The following RELN variants were observed in gnomAD, a reference collection of about 807,000 sequenced individuals.
RELN encodes the protein reelin.
A neutral mutation model predicts 427.6 loss-of-function variants in RELN; 108 were observed. The observed-to-expected ratio is 0.25, with a 90% CI of 0.22 to 0.30. The LOEUF (loss-of-function observed/expected upper bound fraction) is 0.30, where lower values mean the gene tolerates loss of function less well. Among genes scored for constraint, RELN ranks in the 10% least tolerant of loss-of-function variants. The probability of loss-of-function intolerance (pLI) is 1.00; values close to 1 mark genes in which losing one functional copy is unlikely to be tolerated. For synonymous variants in RELN, 1,524 were observed against 1,513.4 expected (o/e 1.01, Z -0.16); for missense variants, 3,715 against 4,302.8 (o/e 0.86, Z 3.82).
chr7:103,502,417 T>TTAAAG (rs1277814243), intron 52 of RELN, among the ~76,000 whole-genome samples: 1 of 152,248 alleles, frequency 6.6e-6, no homozygotes, highest in Non-Finnish European at 1.5e-5. Flanking sequence ...ATCTTTACTT[T>TTAAAG]TAAAGTAGAA....
chr7:103,924,755 A>T (rs914305235), intron 1 of RELN, among the ~76,000 whole-genome samples: 8 of 151,874 alleles, frequency 5.3e-5, no homozygotes, highest in African/African-American at 4.8e-5. Context: ...ATCCACTGAA[A>T]TTTTTTTTGC....
chr7:103,917,956 T>C (rs1795524168), intron 1 of RELN, among the ~76,000 whole-genome samples: 1 of 152,100 alleles, frequency 6.6e-6, no homozygotes, highest in Non-Finnish European at 1.5e-5. Flanking sequence ...ATAGGTTTTA[T>C]AAGATTGAGA....
rs557509893 is a variant in RELN at position 103,496,922 on chromosome 7, T to C, written c.8951-154A>G. The stretch of plus-strand genomic sequence containing the variant: ...CCTGACTTTGATATTAGGTATTCAC[T>C]ACTTATACTGTTTCTGTATGAGGCT... On this transcript the variant is annotated intron_variant, in intron 55 of 64. Coordinates refer to ENST00000428762, the MANE Select transcript of RELN (RefSeq NM_005045.4). Among the ~76,000 whole-genome samples the C allele has an allele frequency of 3.5e-4, 54 of 152,368 alleles. 2 individuals carry two copies. Among genetic ancestry groups the C allele is most frequent in the Admixed American group, 2.8e-3 (43 of 15,302 alleles).
At chr7:103,741,539 CA>C (rs1162105940) in intron 6 of RELN, among the ~76,000 whole-genome samples, 2 of 149,008 alleles carry the variant, frequency 1.3e-5, no homozygotes, top group East Asian at 3.9e-4. Flanking sequence ...AAATATATCA[CA>C]AGAGAAAAAA....
chr7:103,645,790 G>A (rs1283618714), intron 16 of RELN, among the ~76,000 whole-genome samples: 1 of 151,714 alleles, frequency 6.6e-6, no homozygotes, highest in African/African-American at 2.4e-5. Context: ...GAACCTAACA[G>A]ACATTTACAG....
chr7:103,636,581 G>T, intron 17 of RELN, 113 bp from the exon 18 acceptor site: 2 of 746,678 alleles, frequency 2.7e-6, no homozygotes, highest in South Asian at 3.0e-5. Flanking sequence ...AATGGTAAAT[G>T]AGGCTCATTA....
intron 22 of RELN, among the ~76,000 whole-genome samples, chr7:103,607,788 C>G (rs927394532): frequency 2.0e-5 from 3 of 152,128 alleles, no homozygotes; most frequent in Admixed American, 1.3e-4. Flanking sequence ...ATTACATTTA[C>G]CCAATTATTC....
intron 6 of RELN, among the ~76,000 whole-genome samples, chr7:103,738,475 C>T (rs1198426465): frequency 6.6e-6 from 1 of 151,770 alleles, no homozygotes; most frequent in African/African-American, 2.4e-5. Context: ...GAAAATGCAT[C>T]CATCTATGTA....
rs1830935605 is a variant in RELN at position 103,573,811 on chromosome 7, T to G, written c.4511+281A>C. On this transcript the variant is annotated intron_variant, in intron 30 of 64. Coordinates refer to ENST00000428762, the MANE Select transcript of RELN (RefSeq NM_005045.4). This position sits in a 1 kb window ranked among gnomAD's most constrained non-coding sequence, Gnocchi z 4.4. ...CATGCTAAGAATAATACCAAATGGT[T>G]TTCATAATAATATCAAACTTCAGAA... 1.3e-5 allele frequency among the ~76,000 whole-genome samples: 2 copies of G among 152,192 alleles called. No individual in the cohort carries two copies. Among genetic ancestry groups the G allele is most frequent in the Non-Finnish European group, 2.9e-5 (2 of 68,026 alleles).
intron 6 of RELN, among the ~76,000 whole-genome samples, chr7:103,737,439 T>C (rs1049288493): frequency 6.6e-6 from 1 of 152,226 alleles, no homozygotes; most frequent in Non-Finnish European, 1.5e-5. Context: ...GGCTACTAAA[T>C]GGAGGAGTCT....
chr7:103,601,194 T>C (rs2117264677), intron 24 of RELN, among the ~76,000 whole-genome samples: 1 of 151,708 alleles, frequency 6.6e-6, no homozygotes, highest in African/African-American at 2.4e-5. Context: ...CAATCTTACT[T>C]TAAAATTGAT....
intron 3 of RELN, among the ~76,000 whole-genome samples, chr7:103,784,537 A>G (rs1199496808): frequency 1.3e-5 from 2 of 152,164 alleles, no homozygotes; most frequent in Non-Finnish European, 2.9e-5. Context: ...GTTTTATCAG[A>G]AATTTTCCTG....
chr7:103,939,654 A>G (rs1796067504), intron 1 of RELN, among the ~76,000 whole-genome samples: 1 of 152,236 alleles, frequency 6.6e-6, no homozygotes, highest in Non-Finnish European at 1.5e-5. Context: ...TCCTAAGGAA[A>G]TAAACACACA....
chr7:103,631,984 C>G (rs76900732), intron 19 of RELN, among the ~76,000 whole-genome samples: 2,698 of 152,134 alleles, frequency 0.018, 35 homozygotes, highest in African/African-American at 0.037. Flanking sequence ...CAATTGAAAA[C>G]TAGAATTTCC....
At chr7:103,609,914 A>G (rs935675037) in intron 22 of RELN, among the ~76,000 whole-genome samples, 9 of 152,202 alleles carry the variant, frequency 5.9e-5, no homozygotes, top group Admixed American at 5.2e-4. Context: ...AAGATCATGT[A>G]ATTAAACCTT....
intron 1 of RELN, among the ~76,000 whole-genome samples, chr7:103,946,252 CTAT>C (rs1314025153): frequency 6.6e-6 from 1 of 152,152 alleles, no homozygotes; most frequent in Admixed American, 6.6e-5. Flanking sequence ...CTAATTAAAA[CTAT>C]TATTATTACT....
chr7:103,872,861 T>TC (rs2116533048), intron 2 of RELN, among the ~76,000 whole-genome samples: 1 of 151,230 alleles, frequency 6.6e-6, no homozygotes, highest in East Asian at 2.0e-4. Flanking sequence ...ATAAATGTCT[T>TC]CTTTTGAGAA....
chr7:103,934,773 CTGA>C (rs1795943355), intron 1 of RELN, among the ~76,000 whole-genome samples: 1 of 152,180 alleles, frequency 6.6e-6, no homozygotes, highest in African/African-American at 2.4e-5. Flanking sequence ...GGGCACTTCA[CTGA>C]TGTTGGATTC....
At chr7:103,629,798 A>C (rs1316972950) in intron 20 of RELN, 142 bp downstream of exon 20, 1 of 717,586 alleles carries the variant, frequency 1.4e-6, no homozygotes, top group African/African-American at 1.7e-5. Flanking sequence ...TAACAACCTG[A>C]AAACAGTAGT....
Sources: allele counts gnomAD v4.1 joint callset (sites outside exome capture counted in the v4.1 genomes callset), GRCh38; gene constraint gnomAD v4.1.1; non-coding constraint Gnocchi (gnomAD v3.1); transcripts MANE v1.5; gene names NCBI Gene and HGNC (gene_info 2026-07-23, HGNC 2026-07-21).